Variants in NUDT9 observed in about 807,000 individuals in gnomAD.
NUDT9 encodes nudix hydrolase 9, also known as ADP-ribose pyrophosphatase.
In NUDT9, 31 loss-of-function variants were observed where a neutral mutation model predicts 41.0. The ratio of observed to expected loss-of-function variants is 0.76; its 90% CI spans 0.57 to 1.02. NUDT9 has a LOEUF of 1.02. Ranked by LOEUF, NUDT9 falls within the 50% of genes least tolerant of loss-of-function variation. The pLI is 0.00. For synonymous variants in NUDT9, 146 were observed against 147.6 expected (o/e 0.99, Z 0.08); for missense variants, 380 against 431.4 (o/e 0.88, Z 1.06).
At chr4:87,429,694 C>T (rs1205625270) in intron 1 of NUDT9, among the ~76,000 whole-genome samples, 1 of 140,262 alleles carries the variant, frequency 7.1e-6, no homozygotes. Flanking sequence ...CCCCGTTTCC[C>T]CCCCATCTTT....
chr4:87,438,691 A>G (rs1722064487), intron 3 of NUDT9, among the ~76,000 whole-genome samples: 2 of 152,248 alleles, frequency 1.3e-5, no homozygotes, highest in African/African-American at 4.8e-5. Flanking sequence ...GCAGATATTT[A>G]TTAAATGGTA....
chr4:87,425,046 C>T (rs1721346655), intron 1 of NUDT9, among the ~76,000 whole-genome samples: 1 of 152,084 alleles, frequency 6.6e-6, no homozygotes, highest in South Asian at 2.1e-4. Flanking sequence ...GATACAATGT[C>T]TCAAGAAAAA....
At chr4:87,423,540 G>A (rs539972479) in intron 1 of NUDT9, among the ~76,000 whole-genome samples, 1 of 151,914 alleles carries the variant, frequency 6.6e-6, no homozygotes, top group East Asian at 1.9e-4. Flanking sequence ...CCCTTCTCCA[G>A]TTTTTATTCT....
At chr4:87,441,456 G>A (rs933342175) in intron 3 of NUDT9, among the ~76,000 whole-genome samples, 9 of 152,308 alleles carry the variant, frequency 5.9e-5, no homozygotes, top group South Asian at 4.1e-4. Flanking sequence ...AAGGGTTGTA[G>A]GAGAGTAGAG....
intron 4 of NUDT9, 27 bp from the exon 5 acceptor site, chr4:87,449,115 G>T: frequency 1.5e-6 from 2 of 1,323,638 alleles, no homozygotes; most frequent in Non-Finnish European, 2.2e-6. Context: ...TTGTAAATCC[G>T]TTATGATTTT....
chr4:87,438,941 C>T (rs1423560703), intron 3 of NUDT9, among the ~76,000 whole-genome samples: 2 of 150,976 alleles, frequency 1.3e-5, no homozygotes, highest in African/African-American at 4.9e-5. Flanking sequence ...CTGAGGTGGG[C>T]GGATCCCCTA....
intron 2 of NUDT9, among the ~76,000 whole-genome samples, chr4:87,437,427 A>G (rs925964312): frequency 7.3e-5 from 11 of 151,694 alleles, no homozygotes; most frequent in South Asian, 2.1e-4. Flanking sequence ...TGGAAGCTCC[A>G]CCTCCTGGGT....
chr4:87,456,360 G>A (rs1194925922), intron 7 of NUDT9, among the ~76,000 whole-genome samples: 1 of 152,146 alleles, frequency 6.6e-6, no homozygotes, highest in African/African-American at 2.4e-5. Flanking sequence ...GGAAAGACAG[G>A]AAATCCAGCG....
At chr4:87,430,910 T>C (rs1485698963) in intron 1 of NUDT9, among the ~76,000 whole-genome samples, 1 of 152,228 alleles carries the variant, frequency 6.6e-6, no homozygotes. Context: ...TTGTGTCTTT[T>C]GATACCCAGA....
chr4:87,445,025 A>G (rs931295663), intron 4 of NUDT9, among the ~76,000 whole-genome samples: 2 of 152,222 alleles, frequency 1.3e-5, no homozygotes, highest in African/African-American at 4.8e-5. Context: ...TGTTGAAGGA[A>G]GATTCAAGCC....
At position 87,437,318 on chromosome 4, in the gene NUDT9, A is replaced by C. The variant is rs149187831; in HGVS notation, c.348-959A>C. Among the ~76,000 whole-genome samples the C allele has an allele frequency of 4.0e-3, 598 of 150,756 alleles. 15 individuals carry two copies. Among genetic ancestry groups the C allele is most frequent in the East Asian group, 0.018 (92 of 5,124 alleles). On this transcript the variant is annotated intron_variant, in intron 2 of 7. Transcript: ENST00000302174. ...TTGTGGCATGATACAAATATAGTAA[A>C]GTGCACATTTCTTTATTTTTATTTT...
intron 1 of NUDT9, among the ~76,000 whole-genome samples, chr4:87,427,896 T>C (rs1721504158): frequency 6.6e-6 from 1 of 152,206 alleles, no homozygotes; most frequent in Non-Finnish European, 1.5e-5. Flanking sequence ...TTTTGATAAA[T>C]GTGTTTCATA....
At chr4:87,437,202 A>G (rs1165873799) in intron 2 of NUDT9, among the ~76,000 whole-genome samples, 2 of 149,290 alleles carry the variant, frequency 1.3e-5, no homozygotes, top group Non-Finnish European at 3.0e-5. Flanking sequence ...GTGAACCAAG[A>G]TAATGCTACA....
intron 1 of NUDT9, among the ~76,000 whole-genome samples, chr4:87,432,330 T>C (rs536248748): frequency 1.8e-4 from 27 of 152,348 alleles, no homozygotes; most frequent in African/African-American, 6.0e-4. Context: ...GAAACAGTTT[T>C]GGTTGTGACC....
At position 87,422,897 on chromosome 4, in the gene NUDT9, G is replaced by T; in HGVS notation, c.-9G>T. The T allele has an allele frequency of 6.2e-7, 1 of 1,607,326 alleles. No individual in the cohort carries two copies. Among genetic ancestry groups the T allele is most frequent in the Non-Finnish European group, 8.5e-7 (1 of 1,178,962 alleles). On this transcript the variant is annotated 5_prime_UTR_variant, in exon 1 of 8. Coordinates refer to ENST00000302174, the MANE Select transcript of NUDT9 (RefSeq NM_024047.5). ...GACCTAGCATCGCAAAGCCGCCCTCGGGGCGCTCATGGCGGGACGCCTCCT... is the reference window on the plus strand; with the variant it reads ...GACCTAGCATCGCAAAGCCGCCCTCTGGGCGCTCATGGCGGGACGCCTCCT...
At chr4:87,455,707 G>A (rs1273090710) in intron 7 of NUDT9, among the ~76,000 whole-genome samples, 2 of 142,656 alleles carry the variant, frequency 1.4e-5, no homozygotes. Context: ...TGTCACCCAC[G>A]CTGGAGTGCA....
chr4:87,456,822 T>C (rs1429187769), intron 7 of NUDT9, among the ~76,000 whole-genome samples: 1 of 152,110 alleles, frequency 6.6e-6, no homozygotes, highest in Non-Finnish European at 1.5e-5. Flanking sequence ...TCCCAGGTAC[T>C]CGGGGGGCTG....
chr4:87,454,364 A>G lies in NUDT9; in HGVS notation c.790-7A>G. On this transcript the variant is annotated splice_polypyrimidine_tract_variant and splice_region_variant and intron_variant, in intron 6 of 7. Transcript: ENST00000302174. The stretch of plus-strand genomic sequence containing the variant: ...CTTTTAAAAAATTTGTCTTCTTTTG[A>G]AAATAGATATATAAGGGATATGTTG... 1.3e-6 allele frequency: 2 copies of G among 1,589,110 alleles called. No homozygotes were observed. Among genetic ancestry groups the G allele is most frequent in the Non-Finnish European group, 1.7e-6 (2 of 1,157,454 alleles).
chr4:87,426,801 C>T (rs576470895), intron 1 of NUDT9, among the ~76,000 whole-genome samples: 6 of 151,494 alleles, frequency 4.0e-5, no homozygotes, highest in South Asian at 2.1e-4. Context: ...TTTGGAAGTC[C>T]GAGGCAGGAA....
Sources: gnomAD v4.1 joint callset for allele counts (sites outside exome capture counted in the v4.1 genomes callset) on GRCh38, gnomAD v4.1.1 for gene constraint, MANE v1.5 for transcripts, NCBI Gene and HGNC (gene_info 2026-07-23, HGNC 2026-07-21) for gene names.